Variants in ST7 observed in about 807,000 individuals in gnomAD.
ST7 encodes suppression of tumorigenicity 7.
Under a neutral mutation model 78.7 loss-of-function variants are expected in ST7, and 28 were observed. That is an observed-to-expected ratio of 0.36 (90% CI 0.26 to 0.49). The LOEUF (loss-of-function observed/expected upper bound fraction) is 0.49. ST7 is among the 20% of genes least tolerant of loss of function. ST7 has a pLI of 0.99. For missense variants in ST7, 418 were observed against 696.0 expected (o/e 0.60, Z 4.49); for synonymous variants, 247 against 249.6 (o/e 0.99, Z 0.10).
intron 1 of ST7, among the ~76,000 whole-genome samples, chr7:116,980,921 T>C (rs888543467): frequency 6.6e-6 from 1 of 152,230 alleles, no homozygotes; most frequent in Non-Finnish European, 1.5e-5. Flanking sequence ...GGTTACAATA[T>C]GCTTTACAGC....
chr7:117,123,938 A>T (rs1803611135), intron 3 of ST7, among the ~76,000 whole-genome samples: 1 of 152,144 alleles, frequency 6.6e-6, no homozygotes, highest in Non-Finnish European at 1.5e-5. Flanking sequence ...AACAAACTGG[A>T]TAGTCACTTG....
At chr7:117,056,808 C>G (rs1316047855) in intron 1 of ST7, among the ~76,000 whole-genome samples, 1 of 152,106 alleles carries the variant, frequency 6.6e-6, no homozygotes, top group East Asian at 1.9e-4. Flanking sequence ...TCATAAAACA[C>G]AGGATCAATA....
intron 1 of ST7, among the ~76,000 whole-genome samples, chr7:117,023,437 T>A (rs1160522499): frequency 6.6e-6 from 1 of 152,194 alleles, no homozygotes; most frequent in East Asian, 1.9e-4. Flanking sequence ...ACTTAGTGAA[T>A]CTGAATCTCC....
intron 3 of ST7, among the ~76,000 whole-genome samples, chr7:117,126,130 A>G (rs1803818157): frequency 6.6e-6 from 1 of 151,998 alleles, no homozygotes; most frequent in African/African-American, 2.4e-5. Flanking sequence ...ACTGTTTGTA[A>G]TAACATTGTC....
chr7:116,999,399 T>C lies in ST7; in HGVS notation c.151+45708T>C, dbSNP rs921343128. Among the ~76,000 whole-genome samples, 3 of 152,338 alleles carry C rather than the reference T, an allele frequency of 2.0e-5. No homozygotes were observed. The Middle Eastern group carries it at 0.01, about 518-fold the overall frequency. On this transcript the variant is annotated intron_variant, in intron 1 of 15. Transcript: ENST00000323984. Reference sequence around the variant, plus strand: ...GGAGTTCAGCCTTCAGGGCCCCTTCTTGGGCACAATTCCAAGGTTTAGTAA... The same window carrying C: ...GGAGTTCAGCCTTCAGGGCCCCTTCCTGGGCACAATTCCAAGGTTTAGTAA...
At chr7:117,057,007 T>C (rs1798097367) in intron 1 of ST7, among the ~76,000 whole-genome samples, 1 of 152,196 alleles carries the variant, frequency 6.6e-6, no homozygotes, top group African/African-American at 2.4e-5. Flanking sequence ...CCCATTTCAA[T>C]ATAGTGTCAG....
chr7:117,197,652 T>G (rs913564260), intron 12 of ST7, among the ~76,000 whole-genome samples: 4 of 152,220 alleles, frequency 2.6e-5, no homozygotes. Flanking sequence ...CAAATGGAAT[T>G]TTGTTCTTTT....
chr7:117,013,168 C>T (rs549582377), intron 1 of ST7, among the ~76,000 whole-genome samples: 1 of 152,164 alleles, frequency 6.6e-6, no homozygotes, highest in Non-Finnish European at 1.5e-5. Context: ...TGGCAGTCAG[C>T]GTTTCCACAC....
Position 116,973,947 on chromosome 7 carries a change from T to C in ST7, c.151+20256T>C, listed in dbSNP as rs1057314285. 3.9e-5 allele frequency among the ~76,000 whole-genome samples: 6 copies of C among 152,352 alleles called. No homozygotes were observed. In the South Asian group the frequency reaches 1.2e-3, roughly 32 times the overall value. On this transcript the variant is annotated intron_variant, in intron 1 of 15. Coordinates refer to ENST00000323984, the MANE Select transcript of ST7 (RefSeq NM_001369598.1). The stretch of plus-strand genomic sequence containing the variant: ...ATTTATCAAGGGAAAGTGTTATCAA[T>C]AGTAATGGGATCAACTAGGGAAAGT...
At chr7:117,075,877 A>G (rs1799304577) in intron 1 of ST7, among the ~76,000 whole-genome samples, 2 of 152,206 alleles carry the variant, frequency 1.3e-5, no homozygotes, top group Admixed American at 6.5e-5. Flanking sequence ...GTTGAAACTT[A>G]TATTTGATTT....
chr7:117,032,039 G>A (rs566834446), intron 1 of ST7, among the ~76,000 whole-genome samples: 4 of 151,462 alleles, frequency 2.6e-5, no homozygotes, highest in Non-Finnish European at 2.9e-5. Context: ...ATGCCACCAC[G>A]TGTGGCTAAT....
rs546965281 is a variant in ST7 at position 117,020,773 on chromosome 7, G to A, written c.151+67082G>A. 1.9e-5 allele frequency: 23 copies of A among 1,237,990 alleles called. No individual in the cohort carries two copies. In the South Asian group the frequency reaches 3.3e-4, roughly 18 times the overall value. 76.7% of individuals were successfully genotyped at this position (1,237,990 alleles called of 1,614,324 possible). A position where few individuals can be genotyped will look rare whatever the true frequency, so the allele number is the denominator to read the frequency against. ...TAATTACAAAGGAATTGGTCTCAGG[G>A]AAGGAACTCCCCTTAACTGGGTTAT... On this transcript the variant is annotated intron_variant, in intron 1 of 15. Transcript: ENST00000323984.
intron 10 of ST7, among the ~76,000 whole-genome samples, chr7:117,175,896 A>C (rs1377432297): frequency 6.6e-6 from 1 of 152,190 alleles, no homozygotes; most frequent in Admixed American, 6.5e-5. Context: ...TGAGAGAATA[A>C]GAGCCCAGTC....
At chr7:117,104,687 T>C (rs1004910948) in intron 2 of ST7, among the ~76,000 whole-genome samples, 4 of 152,214 alleles carry the variant, frequency 2.6e-5, no homozygotes, top group Admixed American at 2.6e-4. Context: ...TGCAGCACTG[T>C]TCATAATAGC....
chr7:117,101,718 A>G (rs1404723064), intron 2 of ST7, among the ~76,000 whole-genome samples: 4 of 152,210 alleles, frequency 2.6e-5, no homozygotes, highest in African/African-American at 9.6e-5. Flanking sequence ...TAGAGTCCTT[A>G]GCATTTTTGG....
chr7:117,157,074 T>A (rs1384762923), intron 9 of ST7, among the ~76,000 whole-genome samples: 1 of 152,132 alleles, frequency 6.6e-6, no homozygotes, highest in East Asian at 1.9e-4. Context: ...AGTAAGAATA[T>A]GTAGCCAGAT....
At chr7:117,019,246 C>T (rs1795762106) in intron 1 of ST7, among the ~76,000 whole-genome samples, 1 of 152,104 alleles carries the variant, frequency 6.6e-6, no homozygotes, top group African/African-American at 2.4e-5. Flanking sequence ...ACTTTTTGTG[C>T]ATTTCAGTAT....
At chr7:117,007,822 C>T (rs1795216558) in intron 1 of ST7, among the ~76,000 whole-genome samples, 1 of 152,196 alleles carries the variant, frequency 6.6e-6, no homozygotes, top group Non-Finnish European at 1.5e-5. Context: ...TTTTCTTCTT[C>T]CTCCTGCCTC....
At position 117,011,813 on chromosome 7, in the gene ST7, A is replaced by AG. The variant is rs1363125996; in HGVS notation, c.151+58127dup. Among the ~76,000 whole-genome samples the AG allele has an allele frequency of 7.2e-5, 11 of 152,272 alleles. No individual in the cohort carries two copies. The East Asian group carries it at 1.9e-3, about 27-fold the overall frequency. ...AGGACTATGATGTGATTGTTTGGGAAGGGGGCATCTAGGCATATCAGCAAG... is the reference window on the plus strand; with the variant it reads ...AGGACTATGATGTGATTGTTTGGGAAGGGGGGCATCTAGGCATATCAGCAAG... On this transcript the variant is annotated intron_variant, in intron 1 of 15. Transcript: ENST00000323984.
Sources: gnomAD v4.1 joint callset for allele counts (sites outside exome capture counted in the v4.1 genomes callset) on GRCh38, gnomAD v4.1.1 for gene constraint, MANE v1.5 for transcripts, NCBI Gene and HGNC (gene_info 2026-07-23, HGNC 2026-07-21) for gene names.